The following PSD4 variants were observed in gnomAD, a reference collection of about 807,000 sequenced individuals.
The protein encoded by PSD4 is pleckstrin and Sec7 domain containing 4, also known as PH and SEC7 domain-containing protein 4.
PSD4 carries 59 observed loss-of-function variants against 112.5 expected under a neutral mutation model. That is an observed-to-expected ratio of 0.52 (90% CI 0.43 to 0.65). The LOEUF is 0.65. PSD4 is among the 30% of genes least tolerant of loss of function. PSD4 has a pLI of 0.00. For synonymous variants in PSD4, 533 were observed against 540.0 expected, an observed-to-expected ratio of 0.99 and a Z score of 0.18; for missense variants, 1,267 against 1,352.6, an observed-to-expected ratio of 0.94 and a Z score of 0.99.
In PSD4 at chr2:113,193,104, G is replaced by T; in HGVS notation, c.1895G>T (p.Gly632Val). ...EEYLSFFQFG[G>V]QSLDRALRSF... ...TACCTGTCCTTCTTCCAGTTTGGAG[G>T]CCAGAGTCTGGACCGAGCCCTCCGG... Residue 632 changes from glycine (G) to valine (V), a missense_variant, in exon 7 of 17, where the codon GGC becomes GTC. Gly to Val is a moderately radical substitution (Grantham distance 109). Coordinates refer to ENST00000245796, the MANE Select transcript of PSD4 (RefSeq NM_012455.3). 6.2e-7 allele frequency: 1 copy of T among 1,614,142 alleles called. No individual in the cohort carries two copies. Among genetic ancestry groups the T allele is most frequent in the South Asian group, 1.1e-5 (1 of 91,084 alleles).
intron 14 of PSD4, chr2:113,198,291 G>A (rs1688668740): frequency 4.2e-6 from 1 of 235,714 alleles, no homozygotes; most frequent in Non-Finnish European, 8.1e-6. Flanking sequence ...TTATTTTTGA[G>A]ACAGAGTCTC....
chr2:113,185,050 G>A lies in PSD4; in HGVS notation c.1150G>A (p.Ala384Thr). The A allele has an allele frequency of 6.2e-7, 1 of 1,614,242 alleles. No individual in the cohort carries two copies. Among genetic ancestry groups the A allele is most frequent in the South Asian group, 1.1e-5 (1 of 91,084 alleles). ...ATGTGTCGGATCTGATCTTGGCCCT[G>A]CTGCACATCCTGTGCAACCTTGGGC... ...SGCVGSDLGP[A>T]AHPVQPWASL... is the part of the protein sequence containing the mutation. The change falls in exon 3 of 17, where the codon GCT (alanine) becomes ACT (threonine). Residue 384 changes from alanine to threonine, a missense_variant. Coordinates refer to ENST00000245796, the MANE Select transcript of PSD4 (RefSeq NM_012455.3).
rs2104512034 is a variant in PSD4 at position 113,202,385 on chromosome 2, C to CG, written c.*971dup. 1 of 152,452 alleles carries CG rather than the reference C, an allele frequency of 6.6e-6. No individual in the cohort carries two copies. Among genetic ancestry groups the CG allele is most frequent in the South Asian group, 2.1e-4 (1 of 4,826 alleles). The allele number at this position is 152,452 out of a possible 1,614,324, so 9.4% of individuals were successfully genotyped here. On this transcript the variant is annotated 3_prime_UTR_variant, in exon 17 of 17. Transcript: ENST00000245796. ...TTGTGAGGGATGGGACGGAGGCTGG[C>CG]GACCAGGCGAGGCCTAGGCCAGGCT... is the stretch of plus-strand genomic sequence containing the variant.
chr2:113,198,986 C>T (rs1688695795), intron 15 of PSD4, 97 bp from the exon 16 acceptor site: 1 of 1,524,172 alleles, frequency 6.6e-7, no homozygotes, highest in African/African-American at 1.4e-5. Flanking sequence ...CGCACTTGGC[C>T]TGGGAACCGA....
chr2:113,180,701 C>T (rs1688107596), intron 1 of PSD4, among the ~76,000 whole-genome samples: 3 of 112,902 alleles, frequency 2.7e-5, no homozygotes, highest in South Asian at 3.1e-4. Flanking sequence ...CTTTCAGGTG[C>T]GAGGTTGGGG....
At position 113,205,611 on chromosome 2, in the gene PSD4, CAG is replaced by C. The variant is rs1198772342; in HGVS notation, c.*4199_*4200del. 1 of 152,048 alleles carries C rather than the reference CAG, an allele frequency of 6.6e-6. No individual in the cohort carries two copies. The highest frequency in any genetic ancestry group is 2.4e-5 in the African/African-American group (1 of 41,380). The allele number at this position is 152,048 out of a possible 1,614,324, so 9.4% of individuals were successfully genotyped here. Reference sequence around the variant, plus strand: ...CGCCATTGCACTCCAGCCTGGGTAACAGAGCGAGACTCTGTCGAAAAAGAAAA... The same window carrying C: ...CGCCATTGCACTCCAGCCTGGGTAACAGCGAGACTCTGTCGAAAAAGAAAA... On this transcript the variant is annotated 3_prime_UTR_variant, in exon 17 of 17. Transcript: ENST00000245796.
rs780618576 is a variant in PSD4 at position 113,183,277 on chromosome 2, A to T, written c.821A>T (p.His274Leu). Residue 274 changes from histidine to leucine, a missense_variant, in exon 2 of 17, where the codon CAT becomes CTT. Physicochemically the swap from His to Leu is moderately conservative, Grantham distance 99. This residue lies in a region of PSD4 where 723 missense variants were observed against 704.0 expected (regional missense o/e 1.03). Transcript: ENST00000245796. ...TTTTCCTGGGGGGCTTCAGACTCCC[A>T]TGCAGGTGTGAGGACTGGACCTGAG... ...ECFSWGASDS[H>L]AGVRTGPESP... 6 of 1,613,916 alleles carry T rather than the reference A, an allele frequency of 3.7e-6. No homozygotes were observed. The highest frequency in any genetic ancestry group is 5.1e-6 in the Non-Finnish European group (6 of 1,179,926).
intron 5 of PSD4, among the ~76,000 whole-genome samples, chr2:113,189,971 T>G (rs1688404449): frequency 6.6e-6 from 1 of 152,246 alleles, no homozygotes; most frequent in Non-Finnish European, 1.5e-5. Flanking sequence ...GGTTTTCTAT[T>G]TACTCTGCTG....
chr2:113,195,664 CAA>C, intron 10 of PSD4, 61 bp from the exon 11 acceptor site: 1 of 1,596,732 alleles, frequency 6.3e-7, no homozygotes, highest in Non-Finnish European at 8.6e-7. Context: ...CTCTGCCAGA[CAA>C]AGAGACTTTA....
intron 16 of PSD4, among the ~76,000 whole-genome samples, chr2:113,200,641 G>T (rs553509434): frequency 6.6e-6 from 1 of 152,340 alleles, no homozygotes; most frequent in Admixed American, 6.5e-5. Context: ...GATCCAATGG[G>T]ATGGAGGGTG....
intron 1 of PSD4, among the ~76,000 whole-genome samples, chr2:113,174,664 A>G (rs921381316): frequency 1.3e-5 from 2 of 151,678 alleles, no homozygotes; most frequent in East Asian, 1.9e-4. Context: ...AGGTAAGGGG[A>G]CCCTCCTTAC....
intron 5 of PSD4, among the ~76,000 whole-genome samples, chr2:113,188,058 A>T (rs868428170): frequency 6.6e-6 from 1 of 152,228 alleles, no homozygotes; most frequent in Non-Finnish European, 1.5e-5. Context: ...AGGAGAAAAT[A>T]AAAATAAAGA....
intron 1 of PSD4, among the ~76,000 whole-genome samples, chr2:113,178,216 TA>T (rs961842451): frequency 6.6e-6 from 1 of 150,990 alleles, no homozygotes; most frequent in African/African-American, 2.4e-5. Flanking sequence ...AGATACCGTC[TA>T]AAAAAAAATG....
chr2:113,184,174 T>G (rs1688226165), intron 2 of PSD4, among the ~76,000 whole-genome samples: 1 of 152,140 alleles, frequency 6.6e-6, no homozygotes, highest in Non-Finnish European at 1.5e-5. Flanking sequence ...TGGTAGAGTG[T>G]GGCTGTAATT....
chr2:113,194,660 G>A lies in PSD4; in HGVS notation c.2181+712G>A, dbSNP rs560502002. ...TCTATTGCTCCTGGGCTACAAACCTGTATGGCATGCTGCTGTACTTAATAC... is the reference window on the plus strand; with the variant it reads ...TCTATTGCTCCTGGGCTACAAACCTATATGGCATGCTGCTGTACTTAATAC... On this transcript the variant is annotated intron_variant, in intron 10 of 16. Coordinates refer to ENST00000245796, the MANE Select transcript of PSD4 (RefSeq NM_012455.3). 1.1e-4 allele frequency among the ~76,000 whole-genome samples: 16 copies of A among 152,308 alleles called. No homozygotes were observed. The South Asian group carries it at 3.1e-3, about 30-fold the overall frequency.
At chr2:113,176,560 T>C (rs1687986816) in intron 1 of PSD4, among the ~76,000 whole-genome samples, 1 of 152,324 alleles carries the variant, frequency 6.6e-6, no homozygotes, top group South Asian at 2.1e-4. Flanking sequence ...CTCCTTAAAC[T>C]TTCAGAGCCA....
chr2:113,185,210 G>A, intron 3 of PSD4, 137 bp downstream of exon 3: 1 of 1,554,052 alleles, frequency 6.4e-7, no homozygotes, highest in Non-Finnish European at 8.7e-7. Context: ...TCTGAACTGA[G>A]GCTCCAGCCT....
chr2:113,183,659 G>A, intron 2 of PSD4, 147 bp downstream of exon 2: 1 of 706,740 alleles, frequency 1.4e-6, no homozygotes, highest in Non-Finnish European at 2.1e-6. Flanking sequence ...GGGTAATAGA[G>A]CAGAAAATCA....
At position 113,199,214 on chromosome 2, in the gene PSD4, C is replaced by A; in HGVS notation, c.2901C>A (p.Tyr967Ter). ...ELEEHRLRKE[Y>*]LEYEKTRYET... ...AGGAGCACCGCCTGCGGAAGGAGTA[C>A]CTGGAGTACGAGGTGAGCGGCCGAG... The change falls in exon 16 of 17, where the codon TAC becomes TAA. Residue 967 changes from tyrosine (Y) to a stop codon, truncating the protein, a stop_gained. Transcript: ENST00000245796. LOFTEE classifies it high-confidence loss of function. The A allele has an allele frequency of 6.6e-7, 1 of 1,508,472 alleles. No homozygotes were observed. Among genetic ancestry groups the A allele is most frequent in the East Asian group, 2.7e-5 (1 of 36,708 alleles). 93.4% of individuals were successfully genotyped at this position (1,508,472 alleles called of 1,614,324 possible).
Sources: gnomAD v4.1 joint callset for allele counts (sites outside exome capture counted in the v4.1 genomes callset) on GRCh38, gnomAD v4.1.1 for gene constraint, gnomAD v4.1.1 regional missense constraint, MANE v1.5 for transcripts, NCBI Gene and HGNC (gene_info 2026-07-23, HGNC 2026-07-21) for gene names.